Variants in KLF8 observed in about 807,000 individuals in gnomAD.
KLF8 encodes the protein KLF transcription factor 8.
KLF8 carries 10 observed loss-of-function variants against 18.2 expected under a neutral mutation model. That is an observed-to-expected ratio of 0.55 (90% confidence interval 0.34 to 0.93). The LOEUF is 0.93. KLF8 is among the 40% of genes least tolerant of loss of function. The probability of loss-of-function intolerance (pLI) is 0.02; values close to 1 mark genes in which losing one functional copy is unlikely to be tolerated. For missense variants in KLF8, 264 were observed against 277.9 expected (o/e 0.95, Z 0.36); for synonymous variants, 109 against 97.3 (o/e 1.12, Z -0.71).
the KLF8 span, among the ~76,000 whole-genome samples, chrX:56,085,621 A>T: frequency 8.9e-6 from 1 of 112,151 alleles, no homozygotes. Flanking sequence ...TTGTGGACAT[A>T]CTCAGAAATA....
chrX:56,083,587 A>G, the KLF8 span, among the ~76,000 whole-genome samples: 2 of 112,039 alleles, frequency 1.8e-5, no homozygotes, highest in African/African-American at 6.5e-5. Flanking sequence ...TTGTTAGACT[A>G]TTTGACTGTT....
chrX:56,049,956 G>T, the KLF8 span, among the ~76,000 whole-genome samples: 1 of 110,458 alleles, frequency 9.1e-6, no homozygotes, highest in African/African-American at 3.3e-5. Flanking sequence ...CCTGTTATTG[G>T]TCTATTCAGA....
the KLF8 span, among the ~76,000 whole-genome samples, chrX:55,997,547 G>T: frequency 4.5e-5 from 5 of 111,434 alleles, no homozygotes; most frequent in African/African-American, 6.5e-5. Flanking sequence ...CCATGTGTAG[G>T]ATTCCCAGCT....
chrX:55,992,591 G>A, the KLF8 span, among the ~76,000 whole-genome samples: 550 of 111,877 alleles, frequency 4.9e-3, 4 homozygotes, highest in African/African-American at 0.017. Context: ...ATACTTTTTT[G>A]TTCCATATGA....
the KLF8 span, among the ~76,000 whole-genome samples, chrX:56,196,441 G>A: frequency 6.6e-4 from 73 of 111,428 alleles, no homozygotes; most frequent in Non-Finnish European, 1.2e-3. Flanking sequence ...AATAGGAGTT[G>A]CAATCCTAGT....
intron 1 of KLF8, among the ~76,000 whole-genome samples, chrX:56,234,865 G>A (rs1387193852): frequency 8.9e-6 from 1 of 112,005 alleles, no homozygotes; most frequent in African/African-American, 3.3e-5. Flanking sequence ...TAAGCCTGGA[G>A]GGCAGACAGG....
the KLF8 span, among the ~76,000 whole-genome samples, chrX:56,082,184 G>T: frequency 8.9e-6 from 1 of 111,870 alleles, no homozygotes; most frequent in South Asian, 3.7e-4. Flanking sequence ...GTCTTGACAG[G>T]TTGTGCATTT....
intron 3 of KLF8, 32 bp from the exon 4 acceptor site, chrX:56,269,346 C>T: frequency 8.5e-7 from 1 of 1,178,578 alleles, no homozygotes; most frequent in African/African-American, 1.8e-5. Context: ...CATACATCTT[C>T]AGCTCACACT....
chrX:55,968,632 G>C, the KLF8 span, among the ~76,000 whole-genome samples: 1 of 111,580 alleles, frequency 9.0e-6, no homozygotes, highest in Non-Finnish European at 1.9e-5. Flanking sequence ...TCTTGTGATA[G>C]TGAATGAGTC....
chrX:56,283,956 T>C (rs1243248268), intron 5 of KLF8, among the ~76,000 whole-genome samples: 1 of 111,988 alleles, frequency 8.9e-6, no homozygotes, highest in Non-Finnish European at 1.9e-5. Context: ...CTCTAACATC[T>C]TGGACTTTCT....
At chrX:55,931,635 A>G in the KLF8 span, among the ~76,000 whole-genome samples, 1 of 111,999 alleles carries the variant, frequency 8.9e-6, no homozygotes, top group Non-Finnish European at 1.9e-5. Context: ...TTTACCCAGT[A>G]GTCATTCAGG....
the KLF8 span, among the ~76,000 whole-genome samples, chrX:56,002,385 C>T: frequency 9.4e-6 from 1 of 106,692 alleles, no homozygotes; most frequent in African/African-American, 3.4e-5. Flanking sequence ...ATTTGTAGCA[C>T]ACAGAAAATT....
At chrX:56,051,059 A>T in the KLF8 span, among the ~76,000 whole-genome samples, 1 of 109,495 alleles carries the variant, frequency 9.1e-6, no homozygotes, top group Non-Finnish European at 1.9e-5. Flanking sequence ...TGTTGGTTTA[A>T]AGTCTGTTTT....
chrX:56,145,535 A>G, the KLF8 span, among the ~76,000 whole-genome samples: 1 of 112,587 alleles, frequency 8.9e-6, no homozygotes, highest in Admixed American at 9.4e-5. Flanking sequence ...GCAATAACCA[A>G]AAAGTAGAAC....
At chrX:56,157,644 T>C in the KLF8 span, among the ~76,000 whole-genome samples, 1 of 112,061 alleles carries the variant, frequency 8.9e-6, no homozygotes, top group Non-Finnish European at 1.9e-5. Context: ...TGGCCAGTGA[T>C]GATGAGCATT....
the KLF8 span, among the ~76,000 whole-genome samples, chrX:55,939,354 ATC>A: frequency 9.0e-6 from 1 of 111,640 alleles, no homozygotes; most frequent in African/African-American, 3.3e-5. Context: ...CATAACCAGA[ATC>A]TCTGGGACAC....
chrX:55,941,691 C>G, the KLF8 span, among the ~76,000 whole-genome samples: 1 of 111,582 alleles, frequency 9.0e-6, no homozygotes, highest in Non-Finnish European at 1.9e-5. Flanking sequence ...ACAACCCCAG[C>G]AAAAAGTGGG....
intron 2 of KLF8, among the ~76,000 whole-genome samples, chrX:56,262,669 A>ATTG (rs2066899666): frequency 9.0e-6 from 1 of 110,764 alleles, no homozygotes; most frequent in African/African-American, 3.3e-5. Context: ...TATTATTATT[A>ATTG]TTATTATTTT....
At chrX:56,100,873 TATC>T in the KLF8 span, among the ~76,000 whole-genome samples, 1 of 112,492 alleles carries the variant, frequency 8.9e-6, no homozygotes, top group Admixed American at 9.4e-5. Context: ...ATAAGTCACA[TATC>T]ATAAACATCA....
Sources: allele counts gnomAD v4.1 joint callset (sites outside exome capture counted in the v4.1 genomes callset), GRCh38; gene constraint gnomAD v4.1.1; transcripts MANE v1.5; gene names NCBI Gene and HGNC (gene_info 2026-07-23, HGNC 2026-07-21).